MTCL1: variants seen among roughly 807,000 people sequenced by gnomAD.
MTCL1 encodes microtubule cross-linking factor 1.
Under a neutral mutation model 141.4 loss-of-function variants are expected in MTCL1, and 79 were observed. The ratio of observed to expected loss-of-function variants is 0.56; its 90% CI spans 0.47 to 0.67. MTCL1 has a LOEUF of 0.67. Among genes scored for constraint, MTCL1 ranks in the 30% least tolerant of loss-of-function variants. The pLI is 0.00. For synonymous variants in MTCL1, 914 were observed against 875.8 expected (o/e 1.04, Z -0.77); for missense variants, 2,177 against 2,113.9 (o/e 1.03, Z -0.59).
upstream of MTCL1, among the ~76,000 whole-genome samples, chr18:8,716,569 A>ATTTTTTT (rs138840096): frequency 4.8e-5 from 5 of 103,860 alleles, no homozygotes; most frequent in Non-Finnish European, 9.4e-5. Flanking sequence ...CTTTTTGTTC[A>ATTTTTTT]TTTTTTTTTT....
intron 15 of MTCL1, among the ~76,000 whole-genome samples, chr18:8,827,752 A>G (rs1252106230): frequency 6.6e-6 from 1 of 152,224 alleles, no homozygotes; most frequent in Non-Finnish European, 1.5e-5. Flanking sequence ...TACACACCAA[A>G]TAGAAATTAT....
chr18:8,756,433 ATGTATATATGTGTATATATG>A (rs747194301), intron 4 of MTCL1, among the ~76,000 whole-genome samples: 2 of 138,090 alleles, frequency 1.4e-5, no homozygotes, highest in South Asian at 2.1e-4. Flanking sequence ...ATGTGTATAT[ATGTATATATGTGTATATATG>A]TGTATATATG....
At chr18:8,786,715 C>T (rs1165521416) in intron 7 of MTCL1, 3 of 231,216 alleles carry the variant, frequency 1.3e-5, no homozygotes, top group South Asian at 1.4e-4. Context: ...TCACCCGACC[C>T]GGGACAGAAA....
At chr18:8,781,880 G>A (rs945606370) in intron 5 of MTCL1, among the ~76,000 whole-genome samples, 4 of 152,184 alleles carry the variant, frequency 2.6e-5, no homozygotes, top group East Asian at 1.9e-4. Context: ...GACAGTGGGC[G>A]TGTCATCCTC....
chr18:8,720,123 C>A (rs2096159243), intron 3 of MTCL1: 3 of 519,320 alleles, frequency 5.8e-6, no homozygotes, highest in Non-Finnish European at 1.0e-5. Flanking sequence ...GCACCACCAT[C>A]AGACCAGCCA....
chr18:8,827,381 T>C (rs1458863475), intron 15 of MTCL1, among the ~76,000 whole-genome samples: 5 of 152,244 alleles, frequency 3.3e-5, no homozygotes, highest in Non-Finnish European at 7.3e-5. Context: ...AGGCTTGAAA[T>C]CTGAATAGGT....
rs114287451 is a variant in MTCL1 at position 8,807,037 on chromosome 18, G to A, written c.2581G>A (p.Val861Met). 6.8e-5 allele frequency: 110 copies of A among 1,613,428 alleles called. No individual in the cohort carries two copies. The highest frequency in any genetic ancestry group is 4.0e-4 in the East Asian group (18 of 44,874). Residue 861 changes from valine (V) to methionine (M), a missense_variant, in exon 11 of 17, where the codon GTG becomes ATG. Coordinates refer to ENST00000359865, the Ensembl canonical transcript of MTCL1. ...GGCGGCCTGGGACGTGGAGTGGGCCGTGCTCAAGTGCCGTCTGGAACAGGT... is the reference window on the plus strand; with the variant it reads ...GGCGGCCTGGGACGTGGAGTGGGCCATGCTCAAGTGCCGTCTGGAACAGGT...
intron 4 of MTCL1, among the ~76,000 whole-genome samples, chr18:8,773,476 G>C (rs1225689770): frequency 6.6e-6 from 1 of 152,166 alleles, no homozygotes; most frequent in Non-Finnish European, 1.5e-5. Context: ...TCTGTCACGT[G>C]TTAGAAAAAT....
At chr18:8,808,227 C>T (rs903173231) in intron 11 of MTCL1, among the ~76,000 whole-genome samples, 18 of 152,118 alleles carry the variant, frequency 1.2e-4, no homozygotes, top group African/African-American at 2.9e-4. Context: ...TCTTAGTCCC[C>T]GGCCTGCAGC....
intron 4 of MTCL1, among the ~76,000 whole-genome samples, chr18:8,721,723 AT>A (rs149158674): frequency 0.062 from 9,397 of 152,116 alleles, 374 homozygotes; most frequent in African/African-American, 0.11. Flanking sequence ...GTTCTGGGAC[AT>A]TATTTGTCTA....
chr18:8,720,809 A>G lies in MTCL1; in HGVS notation c.357+313A>G, dbSNP rs2096166191. 3.3e-5 allele frequency among the ~76,000 whole-genome samples: 5 copies of G among 152,126 alleles called. No individual in the cohort carries two copies. The South Asian group carries it at 1.0e-3, about 31-fold the overall frequency. On this transcript the variant is annotated intron_variant, in intron 4 of 16. Coordinates refer to ENST00000359865, the Ensembl canonical transcript of MTCL1. ...GAAAACGCTTATTGGGCCCTGGTCT[A>G]AAGCTAGTTTTTGTAATTACCACTC...
At chr18:8,733,998 C>A (rs1422630604) in intron 4 of MTCL1, among the ~76,000 whole-genome samples, 2 of 152,140 alleles carry the variant, frequency 1.3e-5, no homozygotes, top group Non-Finnish European at 2.9e-5. Context: ...CTCACAGGGT[C>A]ACCTAAGTAA....
chr18:8,816,960 A>G (rs2144313445), intron 12 of MTCL1, among the ~76,000 whole-genome samples: 1 of 152,334 alleles, frequency 6.6e-6, no homozygotes, highest in Middle Eastern at 3.4e-3. Flanking sequence ...TCTCCACCAC[A>G]ACCACTCCAG....
chr18:8,745,828 A>G (rs1343189961), intron 4 of MTCL1, among the ~76,000 whole-genome samples: 3 of 152,206 alleles, frequency 2.0e-5, no homozygotes, highest in African/African-American at 2.4e-5. Flanking sequence ...ACCGCCGTCT[A>G]TCTCCAGAAC....
intron 11 of MTCL1, among the ~76,000 whole-genome samples, 153 bp downstream of exon 10, chr18:8,807,213 G>T (rs1375831017): frequency 2.0e-5 from 3 of 152,138 alleles, no homozygotes; most frequent in Admixed American, 2.0e-4. Flanking sequence ...TTCTTAAAGT[G>T]CAGAGTCCCC....
chr18:8,817,352 G>A (rs910885220), intron 12 of MTCL1, among the ~76,000 whole-genome samples: 8 of 149,972 alleles, frequency 5.3e-5, no homozygotes, highest in African/African-American at 2.0e-4. Flanking sequence ...AGAGAGCAGA[G>A]GGGCAAAGCT....
chr18:8,765,024 T>C (rs1376571175), intron 4 of MTCL1, among the ~76,000 whole-genome samples: 4 of 152,154 alleles, frequency 2.6e-5, no homozygotes, highest in Admixed American at 6.5e-5. Context: ...TAGGGCACCA[T>C]GGGGCTGCCT....
chr18:8,823,423 G>A (rs139423456), intron 14 of MTCL1, among the ~76,000 whole-genome samples: 77 of 152,316 alleles, frequency 5.1e-4, no homozygotes, highest in African/African-American at 1.7e-3. Flanking sequence ...CAGGGTGTTG[G>A]CATGTGTCCG....
At chr18:8,715,648 A>G (rs2096124114), upstream of MTCL1, among the ~76,000 whole-genome samples, 1 of 152,234 alleles carries the variant, frequency 6.6e-6, no homozygotes, top group Non-Finnish European at 1.5e-5. Context: ...AGTCTGATCC[A>G]TTAGTTTCAT....
Sources: gnomAD v4.1 joint callset for allele counts (sites outside exome capture counted in the v4.1 genomes callset) on GRCh38, gnomAD v4.1.1 for gene constraint, MANE v1.5 for transcripts, NCBI Gene and HGNC (gene_info 2026-07-23, HGNC 2026-07-21) for gene names.